Variants in IMMP2L observed in about 807,000 individuals in gnomAD.
The protein encoded by IMMP2L is mitochondrial inner membrane protease subunit 2.
In IMMP2L, 18 loss-of-function variants were observed where a neutral mutation model predicts 19.3. The ratio of observed to expected loss-of-function variants is 0.93; its 90% confidence interval spans 0.64 to 1.38. The LOEUF is 1.38. Ranked by LOEUF, IMMP2L falls within the 40% of genes most tolerant of loss-of-function variation. The probability of loss-of-function intolerance (pLI) is 0.00; values close to 1 mark genes in which losing one functional copy is unlikely to be tolerated. For synonymous variants in IMMP2L, 76 were observed against 73.0 expected (o/e 1.04, Z -0.21); for missense variants, 233 against 218.2 (o/e 1.07, Z -0.43).
chr7:111,108,385 CTA>C (rs1798789180), intron 3 of IMMP2L, among the ~76,000 whole-genome samples: 1 of 152,178 alleles, frequency 6.6e-6, no homozygotes, highest in African/African-American at 2.4e-5. Context: ...ACATGGTTTT[CTA>C]TGTTCTCCAA....
intron 3 of IMMP2L, among the ~76,000 whole-genome samples, chr7:111,451,479 G>T (rs554786977): frequency 5.0e-4 from 73 of 144,880 alleles, no homozygotes; most frequent in Non-Finnish European, 9.0e-4. Flanking sequence ...ACCAAACACT[G>T]CATATTCTCA....
At chr7:110,699,671 G>A (rs1794124402) in intron 5 of IMMP2L, among the ~76,000 whole-genome samples, 1 of 151,742 alleles carries the variant, frequency 6.6e-6, no homozygotes, top group African/African-American at 2.4e-5. Flanking sequence ...GGGAGGCTGA[G>A]GCAGGAGAAT....
At chr7:110,770,076 T>C (rs1798940468) in intron 5 of IMMP2L, among the ~76,000 whole-genome samples, 1 of 152,232 alleles carries the variant, frequency 6.6e-6, no homozygotes, top group Admixed American at 6.5e-5. Context: ...ACGATTATGT[T>C]ACTGATTACA....
intron 5 of IMMP2L, among the ~76,000 whole-genome samples, chr7:110,733,728 T>C (rs778250819): frequency 5.3e-5 from 8 of 152,158 alleles, no homozygotes; most frequent in Non-Finnish European, 8.8e-5. Flanking sequence ...GTAAGGGCTC[T>C]ATACATTAAG....
chr7:111,262,341 C>G lies in IMMP2L; in HGVS notation c.239+224897G>C, dbSNP rs140160876. 3.9e-5 allele frequency among the ~76,000 whole-genome samples: 6 copies of G among 152,008 alleles called. No individual in the cohort carries two copies. The East Asian group carries it at 1.2e-3, about 29-fold the overall frequency. On this transcript the variant is annotated intron_variant, in intron 3 of 5. Transcript: ENST00000405709. ...GTAGCCAGGGAGGGTTAGTAAAGGCCTGAATGCTAGTAAAGGCCTGAATGA... is the reference window on the plus strand; with the variant it reads ...GTAGCCAGGGAGGGTTAGTAAAGGCGTGAATGCTAGTAAAGGCCTGAATGA...
At position 110,915,664 on chromosome 7, in the gene IMMP2L, T is replaced by C. The variant is rs112814473; in HGVS notation, c.306-28969A>G. 4.2e-3 allele frequency among the ~76,000 whole-genome samples: 641 copies of C among 152,324 alleles called. 5 individuals carry two copies. The highest frequency in any genetic ancestry group is 0.014 in the African/African-American group (587 of 41,572). On this transcript the variant is annotated intron_variant, in intron 4 of 5. Coordinates refer to ENST00000405709, the MANE Select transcript of IMMP2L (RefSeq NM_032549.4). ...TACAGTAGCTATAGATAGTGACATA[T>C]GTGTTAATTAATTTGACTGTGGCAA...
At chr7:111,515,449 T>C (rs1256233538) in intron 2 of IMMP2L, among the ~76,000 whole-genome samples, 1 of 152,136 alleles carries the variant, frequency 6.6e-6, no homozygotes, top group Non-Finnish European at 1.5e-5. Flanking sequence ...GGCCTTGTCT[T>C]CTGATCCCCA....
chr7:111,089,806 T>C (rs1796664357), intron 3 of IMMP2L, among the ~76,000 whole-genome samples: 1 of 152,094 alleles, frequency 6.6e-6, no homozygotes, highest in African/African-American at 2.4e-5. Context: ...GAACTGTTTC[T>C]AGAAAACTAC....
At position 111,111,423 on chromosome 7, in the gene IMMP2L, C is replaced by A. The variant is rs913584035; in HGVS notation, c.240-147858G>T. Among the ~76,000 whole-genome samples, 4 of 142,008 alleles carry A rather than the reference C, an allele frequency of 2.8e-5. No homozygotes were observed. In the East Asian group the frequency reaches 7.2e-4, roughly 25 times the overall value. 93.2% of individuals were successfully genotyped at this position (142,008 alleles called of 152,430 possible). On this transcript the variant is annotated intron_variant, in intron 3 of 5. Transcript: ENST00000405709. Reference sequence around the variant, plus strand: ...TCCATCCCCCCCCAAAAAAAAATGGCCCGTTAGTATTTTTACTTCCCCCGC... The same window carrying A: ...TCCATCCCCCCCCAAAAAAAAATGGACCGTTAGTATTTTTACTTCCCCCGC...
At chr7:111,349,271 A>G (rs2130866638) in intron 3 of IMMP2L, among the ~76,000 whole-genome samples, 1 of 152,270 alleles carries the variant, frequency 6.6e-6, no homozygotes, top group Admixed American at 6.5e-5. Flanking sequence ...TAAATTATTT[A>G]ACAAATATGA....
chr7:111,017,576 C>G (rs145960777), intron 3 of IMMP2L, among the ~76,000 whole-genome samples: 1 of 152,254 alleles, frequency 6.6e-6, no homozygotes, highest in African/African-American at 2.4e-5. Flanking sequence ...GTCTGACATC[C>G]TCTTCGTTGT....
intron 2 of IMMP2L, among the ~76,000 whole-genome samples, chr7:111,496,498 A>G (rs1176175100): frequency 6.6e-6 from 1 of 152,190 alleles, no homozygotes; most frequent in Non-Finnish European, 1.5e-5. Flanking sequence ...GGATTGAGTA[A>G]GAAAGATCCA....
intron 5 of IMMP2L, among the ~76,000 whole-genome samples, chr7:110,862,040 T>C (rs1249358060): frequency 6.6e-6 from 1 of 152,068 alleles, no homozygotes; most frequent in African/African-American, 2.4e-5. Flanking sequence ...TTAATTTGTA[T>C]ATTAGAAGTT....
chr7:111,444,522 C>G (rs1838097018), intron 3 of IMMP2L, among the ~76,000 whole-genome samples: 1 of 152,144 alleles, frequency 6.6e-6, no homozygotes, highest in South Asian at 2.1e-4. Context: ...GTGATTATAA[C>G]AGCGTCTAGC....
chr7:111,367,112 A>G lies in IMMP2L; in HGVS notation c.239+120126T>C, dbSNP rs529501262. Among the ~76,000 whole-genome samples the G allele has an allele frequency of 3.4e-4, 52 of 151,844 alleles. 1 individual carries two copies. The South Asian group carries it at 0.011, about 32-fold the overall frequency. Reference sequence around the variant, plus strand: ...GGAACGCACAGAAGAATATGCTGACAGTGTTCTCGGTGACACTTGTGGCTG... The same window carrying G: ...GGAACGCACAGAAGAATATGCTGACGGTGTTCTCGGTGACACTTGTGGCTG... On this transcript the variant is annotated intron_variant, in intron 3 of 5. Coordinates refer to ENST00000405709, the MANE Select transcript of IMMP2L (RefSeq NM_032549.4).
At chr7:110,716,789 T>C (rs1343823763) in intron 5 of IMMP2L, among the ~76,000 whole-genome samples, 1 of 152,182 alleles carries the variant, frequency 6.6e-6, no homozygotes, top group Non-Finnish European at 1.5e-5. Flanking sequence ...AGAAATATTA[T>C]GGATAAAGGA....
intron 3 of IMMP2L, among the ~76,000 whole-genome samples, chr7:111,191,528 A>G (rs1808877841): frequency 6.6e-6 from 1 of 151,776 alleles, no homozygotes; most frequent in Admixed American, 6.6e-5. Flanking sequence ...AATGACTTTT[A>G]ATGTACTCTT....
At chr7:111,386,074 C>T (rs981721793) in intron 3 of IMMP2L, among the ~76,000 whole-genome samples, 1 of 151,806 alleles carries the variant, frequency 6.6e-6, no homozygotes, top group Admixed American at 6.6e-5. Context: ...AACAGGGTCT[C>T]GCTCTGTTGT....
chr7:111,176,398 G>GA (rs1287069645), intron 3 of IMMP2L, among the ~76,000 whole-genome samples: 1 of 151,942 alleles, frequency 6.6e-6, no homozygotes, highest in Non-Finnish European at 1.5e-5. Flanking sequence ...AATGAATAAA[G>GA]AAAATGTGGT....
Sources: allele counts gnomAD v4.1 joint callset (sites outside exome capture counted in the v4.1 genomes callset), GRCh38; gene constraint gnomAD v4.1.1; transcripts MANE v1.5; gene names NCBI Gene and HGNC (gene_info 2026-07-23, HGNC 2026-07-21).